SV2C: variants seen among roughly 807,000 people sequenced by gnomAD.
SV2C encodes the protein solute carrier family 22 member B3.
In SV2C, 49 loss-of-function variants were observed where a neutral mutation model predicts 79.7. The ratio of observed to expected loss-of-function variants is 0.61; its 90% CI spans 0.49 to 0.78. The LOEUF (loss-of-function observed/expected upper bound fraction) is 0.78, where lower values mean the gene tolerates loss of function less well. Among genes scored for constraint, SV2C ranks in the 30% least tolerant of loss-of-function variants. The pLI, the probability that SV2C is intolerant of heterozygous loss-of-function variation, is 0.00. For synonymous variants in SV2C, 334 were observed against 333.2 expected, an observed-to-expected ratio of 1.00 and a Z score of -0.03; for missense variants, 833 against 912.9, an observed-to-expected ratio of 0.91 and a Z score of 1.13.
At chr5:76,228,050 A>ATC (rs143825160) in intron 4 of SV2C, among the ~76,000 whole-genome samples, 51 of 148,098 alleles carry the variant, frequency 3.4e-4, no homozygotes, top group East Asian at 6.0e-4. Context: ...CTTTCTCTCT[A>ATC]TCTCTCTCTC....
At chr5:76,348,314 A>T (rs1027990196) in intron 12 of SV2C, among the ~76,000 whole-genome samples, 1 of 152,190 alleles carries the variant, frequency 6.6e-6, no homozygotes, top group Non-Finnish European at 1.5e-5. Context: ...TGGATGTACC[A>T]CGGTGCATCC....
At chr5:76,255,134 T>G (rs1005685357) in intron 4 of SV2C, among the ~76,000 whole-genome samples, 1 of 152,248 alleles carries the variant, frequency 6.6e-6, no homozygotes, top group African/African-American at 2.4e-5. Flanking sequence ...TTAATATCAT[T>G]AAAAAGCTCT....
At chr5:75,939,917 A>T in the SV2C span, among the ~76,000 whole-genome samples, 1 of 152,096 alleles carries the variant, frequency 6.6e-6, no homozygotes, top group Non-Finnish European at 1.5e-5. Context: ...GCTCAGTTGC[A>T]TCCTTTCCAG....
chr5:76,075,097 G>A, the SV2C span, among the ~76,000 whole-genome samples: 5 of 152,146 alleles, frequency 3.3e-5, no homozygotes, highest in African/African-American at 1.2e-4. Context: ...GGCACACCAG[G>A]GTTCTGGCAC....
the SV2C span, among the ~76,000 whole-genome samples, chr5:75,991,683 A>G: frequency 6.7e-6 from 1 of 149,712 alleles, no homozygotes; most frequent in Admixed American, 6.7e-5. Flanking sequence ...ATAGATATAT[A>G]TTTGCAAAAC....
At chr5:76,004,457 A>G in the SV2C span, among the ~76,000 whole-genome samples, 1 of 152,180 alleles carries the variant, frequency 6.6e-6, no homozygotes, top group Non-Finnish European at 1.5e-5. Context: ...GATGAGGTGT[A>G]TAAAGCATAT....
At chr5:76,056,014 G>C in the SV2C span, among the ~76,000 whole-genome samples, 1 of 152,138 alleles carries the variant, frequency 6.6e-6, no homozygotes, top group Non-Finnish European at 1.5e-5. Flanking sequence ...GCCCTGGCCA[G>C]AACTTCCAAT....
intron 2 of SV2C, among the ~76,000 whole-genome samples, chr5:76,169,397 C>G (rs957368072): frequency 6.6e-6 from 1 of 152,156 alleles, no homozygotes. Flanking sequence ...CAGGAACCCT[C>G]TTAGTTGTAG....
At chr5:75,933,526 C>G in the SV2C span, among the ~76,000 whole-genome samples, 22 of 152,312 alleles carry the variant, frequency 1.4e-4, no homozygotes, top group African/African-American at 5.3e-4. Flanking sequence ...CTGGCTGTTT[C>G]TCTTTGAAGT....
At chr5:75,911,345 C>T in the SV2C span, 10 of 1,310,458 alleles carry the variant, frequency 7.6e-6, no homozygotes, top group African/African-American at 1.5e-5. Context: ...GTCCTCCAAA[C>T]CCGCACAGAA....
At chr5:76,136,577 G>A (rs1427347590) in intron 2 of SV2C, among the ~76,000 whole-genome samples, 4 of 151,732 alleles carry the variant, frequency 2.6e-5, no homozygotes, top group African/African-American at 9.7e-5. Context: ...CTATAGGATT[G>A]CAGAAGAGGG....
the SV2C span, among the ~76,000 whole-genome samples, chr5:75,965,865 A>T: frequency 6.6e-6 from 1 of 152,226 alleles, no homozygotes; most frequent in African/African-American, 2.4e-5. Context: ...AGTACATAGC[A>T]TAATTTTACT....
At chr5:76,174,297 G>A in intron 2 of SV2C, 2 of 1,004,962 alleles carry the variant, frequency 2.0e-6, no homozygotes, top group East Asian at 2.5e-5. Flanking sequence ...CGCCACGGCG[G>A]TCCTGCCGCT....
intron 2 of SV2C, among the ~76,000 whole-genome samples, chr5:76,146,048 C>A (rs1749409000): frequency 6.6e-6 from 1 of 150,382 alleles, no homozygotes; most frequent in Non-Finnish European, 1.5e-5. Context: ...TGTTCCACTC[C>A]ACATGAAAAG....
At chr5:76,142,711 A>G (rs929925977) in intron 2 of SV2C, among the ~76,000 whole-genome samples, 1 of 152,212 alleles carries the variant, frequency 6.6e-6, no homozygotes, top group African/African-American at 2.4e-5. Flanking sequence ...GAAAGTTACT[A>G]AAGAGTATAT....
At chr5:76,252,649 C>G (rs1419447739) in intron 4 of SV2C, among the ~76,000 whole-genome samples, 1 of 152,168 alleles carries the variant, frequency 6.6e-6, no homozygotes, top group Admixed American at 6.5e-5. Flanking sequence ...AGTAATAAAT[C>G]CTTTTGTGGT....
the SV2C span, among the ~76,000 whole-genome samples, chr5:76,028,354 C>T: frequency 6.6e-6 from 1 of 152,032 alleles, no homozygotes; most frequent in Non-Finnish European, 1.5e-5. Flanking sequence ...AGTGGAAGTC[C>T]ACAATATTTT....
intron 4 of SV2C, among the ~76,000 whole-genome samples, chr5:76,273,482 A>G (rs934059091): frequency 6.6e-6 from 1 of 152,152 alleles, no homozygotes; most frequent in South Asian, 2.1e-4. Flanking sequence ...ATTCCAGAAA[A>G]AAAAATGACC....
chr5:76,108,973 C>T (rs137985301), intron 1 of SV2C, among the ~76,000 whole-genome samples: 80 of 152,230 alleles, frequency 5.3e-4, no homozygotes, highest in African/African-American at 1.8e-3. Flanking sequence ...ATCTGGCCAA[C>T]GAGAGATGTG....
Sources: allele counts gnomAD v4.1 joint callset (sites outside exome capture counted in the v4.1 genomes callset), GRCh38; gene constraint gnomAD v4.1.1; transcripts MANE v1.5; gene names NCBI Gene and HGNC (gene_info 2026-07-23, HGNC 2026-07-21).